The following CSMD3 variants were observed in gnomAD, a reference collection of about 807,000 sequenced individuals.
CSMD3 encodes CUB and Sushi multiple domains 3.
CSMD3 carries 177 observed loss-of-function variants against 435.2 expected under a neutral mutation model. The ratio of observed to expected loss-of-function variants is 0.41; its 90% CI spans 0.36 to 0.46. The LOEUF is 0.46. CSMD3 is among the 20% of genes least tolerant of loss of function. The pLI, the probability that CSMD3 is intolerant of heterozygous loss-of-function variation, is 0.34. For missense variants in CSMD3, 4,265 were observed against 4,504.6 expected (o/e 0.95, Z 1.52); for synonymous variants, 1,656 against 1,520.5 (o/e 1.09, Z -2.07).
intron 10 of CSMD3, among the ~76,000 whole-genome samples, chr8:112,910,993 T>C (rs1364544728): frequency 6.6e-6 from 1 of 151,930 alleles, no homozygotes; most frequent in Non-Finnish European, 1.5e-5. Flanking sequence ...CCATTCTCTC[T>C]GGTTATGAAT....
At position 112,514,944 on chromosome 8, in the gene CSMD3, C is replaced by T. The variant is rs116754696; in HGVS notation, c.4756+2090G>A. On this transcript the variant is annotated intron_variant, in intron 28 of 70. Coordinates refer to ENST00000297405, the MANE Select transcript of CSMD3 (RefSeq NM_198123.2). ...TCCCCAGAGAAGCTCTAATTTATAT[C>T]TTCCCCTCAAGCTATCTTTTCCTAC... Among the ~76,000 whole-genome samples, 980 of 151,906 alleles carry T rather than the reference C, an allele frequency of 6.5e-3. 12 individuals carry two copies. Among genetic ancestry groups the T allele is most frequent in the African/African-American group, 0.022 (924 of 41,460 alleles).
At chr8:112,985,846 G>A (rs7009414) in intron 6 of CSMD3, among the ~76,000 whole-genome samples, 1,578 of 152,208 alleles carry the variant, frequency 0.01, 22 homozygotes, top group African/African-American at 0.036. Flanking sequence ...AAGAAAACAA[G>A]GTCAGGGATC....
intron 16 of CSMD3, among the ~76,000 whole-genome samples, chr8:112,676,735 T>C (rs1205427556): frequency 6.6e-6 from 1 of 152,112 alleles, no homozygotes; most frequent in Non-Finnish European, 1.5e-5. Context: ...CAGAGGAGAA[T>C]TAATTTATGT....
intron 60 of CSMD3, 112 bp downstream of exon 60, chr8:112,265,299 A>G: frequency 3.4e-6 from 2 of 588,316 alleles, no homozygotes; most frequent in South Asian, 7.1e-5. Context: ...AGAAAAATAA[A>G]TGCAACCTGG....
intron 53 of CSMD3, 56 bp from the exon 54 acceptor site, chr8:112,296,062 T>A: frequency 7.2e-7 from 1 of 1,381,486 alleles, no homozygotes. Context: ...TATTTGTATA[T>A]TTATATACAT....
chr8:113,246,436 C>A (rs1290137924), intron 3 of CSMD3, among the ~76,000 whole-genome samples: 1 of 151,920 alleles, frequency 6.6e-6, no homozygotes, highest in Non-Finnish European at 1.5e-5. Context: ...AAATGTATAT[C>A]TTTTTATTGT....
At chr8:112,491,605 C>T (rs890017715) in intron 31 of CSMD3, among the ~76,000 whole-genome samples, 3 of 152,188 alleles carry the variant, frequency 2.0e-5, no homozygotes, top group South Asian at 2.1e-4. Context: ...GCCCGGATCA[C>T]GCCACTGCAC....
chr8:112,255,627 A>T, intron 61 of CSMD3, 200 bp from the exon 62 acceptor site: 1 of 567,872 alleles, frequency 1.8e-6, no homozygotes, highest in Non-Finnish European at 3.1e-6. Flanking sequence ...AATATTTAAA[A>T]ATTAGCTCGA....
chr8:113,236,516 C>G (rs568027898), intron 3 of CSMD3, among the ~76,000 whole-genome samples: 2 of 152,160 alleles, frequency 1.3e-5, no homozygotes, highest in Admixed American at 1.3e-4. Flanking sequence ...CTCTCTGTCT[C>G]TCTCTATCTC....
intron 13 of CSMD3, among the ~76,000 whole-genome samples, chr8:112,753,345 C>A (rs374837729): frequency 6.6e-6 from 1 of 152,014 alleles, no homozygotes. Flanking sequence ...ATTGCTTTTA[C>A]AACTAAAATA....
chr8:113,098,493 TGG>T (rs2090231213), intron 5 of CSMD3: 2 of 442,272 alleles, frequency 4.5e-6, no homozygotes, highest in Admixed American at 7.5e-5. Flanking sequence ...CCATCAAGTT[TGG>T]ACTGGCATGC....
chr8:112,498,144 T>A (rs1415499949), intron 30 of CSMD3, among the ~76,000 whole-genome samples: 2 of 152,114 alleles, frequency 1.3e-5, no homozygotes, highest in African/African-American at 4.8e-5. Flanking sequence ...GTAAATCATT[T>A]TAACAATTCG....
At chr8:113,042,316 A>G (rs957272100) in intron 5 of CSMD3, among the ~76,000 whole-genome samples, 1 of 152,146 alleles carries the variant, frequency 6.6e-6, no homozygotes, top group Non-Finnish European at 1.5e-5. Context: ...GAATAGACTC[A>G]CCAATGAGAA....
intron 3 of CSMD3, among the ~76,000 whole-genome samples, chr8:113,262,837 C>T (rs950868807): frequency 2.0e-5 from 3 of 152,048 alleles, no homozygotes; most frequent in Non-Finnish European, 4.4e-5. Context: ...GAGCTGCCAA[C>T]GCCTGGACTG....
intron 35 of CSMD3, among the ~76,000 whole-genome samples, chr8:112,405,246 T>TATATATATATACAC (rs1199452249): frequency 3.7e-5 from 3 of 81,536 alleles, no homozygotes; most frequent in African/African-American, 1.6e-4. Context: ...TATATATATA[T>TATATATATATACAC]ACATATATAT....
intron 22 of CSMD3, among the ~76,000 whole-genome samples, chr8:112,591,995 C>T (rs1390055917): frequency 6.6e-6 from 1 of 151,896 alleles, no homozygotes. Context: ...GTGAGATACA[C>T]ACATATTTCA....
chr8:113,158,784 G>A (rs2091982948), intron 4 of CSMD3, among the ~76,000 whole-genome samples: 1 of 151,740 alleles, frequency 6.6e-6, no homozygotes, highest in African/African-American at 2.4e-5. Flanking sequence ...ATAGATAGAT[G>A]TACATGTATT....
At chr8:113,369,563 A>G (rs183349224) in intron 1 of CSMD3, among the ~76,000 whole-genome samples, 1 of 152,102 alleles carries the variant, frequency 6.6e-6, no homozygotes, top group East Asian at 1.9e-4. Context: ...GGTATATATC[A>G]AAATGAAATT....
chr8:112,432,007 C>T (rs1563938261), intron 32 of CSMD3, among the ~76,000 whole-genome samples: 1 of 152,162 alleles, frequency 6.6e-6, no homozygotes, highest in East Asian at 1.9e-4. Flanking sequence ...ACTTTCCTTT[C>T]ACCTCTCTAG....
Sources: allele counts gnomAD v4.1 joint callset (sites outside exome capture counted in the v4.1 genomes callset), GRCh38; gene constraint gnomAD v4.1.1; transcripts MANE v1.5; gene names NCBI Gene and HGNC (gene_info 2026-07-23, HGNC 2026-07-21).